NEXMIF: variants seen among roughly 807,000 people sequenced by gnomAD.
NEXMIF encodes neurite extension and migration factor, also known as XLMR protein related to neurite extension.
Under a neutral mutation model 62.1 loss-of-function variants are expected in NEXMIF, and 8 were observed. The ratio of observed to expected loss-of-function variants is 0.13; its 90% CI spans 0.08 to 0.23. The LOEUF is 0.23. NEXMIF is among the 10% of genes least tolerant of loss of function. The pLI, the probability that NEXMIF is intolerant of heterozygous loss-of-function variation, is 1.00. For synonymous variants in NEXMIF, 404 were observed against 416.6 expected (o/e 0.97, Z 0.37); for missense variants, 976 against 1,113.3 (o/e 0.88, Z 1.75).
intron 1 of NEXMIF, among the ~76,000 whole-genome samples, chrX:74,858,615 CG>C (rs2080544151): frequency 9.0e-6 from 1 of 110,978 alleles, no homozygotes; most frequent in Non-Finnish European, 1.9e-5. Flanking sequence ...TTAGTAGACA[CG>C]GATGAATGTC....
At chrX:74,909,170 G>A (rs146563735) in intron 1 of NEXMIF, among the ~76,000 whole-genome samples, 7 of 111,727 alleles carry the variant, frequency 6.3e-5, no homozygotes, top group Admixed American at 1.9e-4. Context: ...TCAGGCAGAG[G>A]TTGGCACAGT....
At chrX:74,920,239 G>C (rs143327264) in intron 1 of NEXMIF, among the ~76,000 whole-genome samples, 15,339 of 108,731 alleles carry the variant, frequency 0.14, 1,906 homozygotes, top group East Asian at 0.89. Context: ...TACAGTCCCA[G>C]CAACAGTGTA....
chrX:74,768,940 G>A (rs769367162), intron 1 of NEXMIF, among the ~76,000 whole-genome samples: 2 of 111,730 alleles, frequency 1.8e-5, no homozygotes, highest in Non-Finnish European at 3.8e-5. Context: ...CCTTTAATAT[G>A]GGCCCATAGC....
At chrX:74,748,777 C>A (rs1382907238) in intron 1 of NEXMIF, among the ~76,000 whole-genome samples, 2 of 111,670 alleles carry the variant, frequency 1.8e-5, no homozygotes, top group African/African-American at 6.5e-5. Context: ...CCCCAGCGGC[C>A]TTGAAGTCTA....
chrX:74,740,019 G>GA (rs2080096506), intron 3 of NEXMIF, 81 bp downstream of exon 3: 1 of 949,906 alleles, frequency 1.1e-6, no homozygotes, highest in Non-Finnish European at 1.4e-6. Flanking sequence ...TTTCAAGAGG[G>GA]AAAAAATGAG....
chrX:74,755,558 C>G (rs772196726), intron 1 of NEXMIF, among the ~76,000 whole-genome samples: 3 of 111,377 alleles, frequency 2.7e-5, no homozygotes, highest in African/African-American at 9.8e-5. Context: ...CAGGCTTGGG[C>G]CCTACAGGAA....
At chrX:74,800,887 A>G (rs895513716) in intron 1 of NEXMIF, among the ~76,000 whole-genome samples, 1 of 110,796 alleles carries the variant, frequency 9.0e-6, no homozygotes, top group Non-Finnish European at 1.9e-5. Flanking sequence ...GGTTTTGAGG[A>G]ATGTATAATG....
chrX:74,899,761 C>G (rs1196522155), intron 1 of NEXMIF, among the ~76,000 whole-genome samples: 2 of 111,093 alleles, frequency 1.8e-5, no homozygotes, highest in African/African-American at 6.6e-5. Flanking sequence ...CACAAAAGAC[C>G]CTGAATAGCC....
intron 1 of NEXMIF, among the ~76,000 whole-genome samples, chrX:74,767,601 C>G (rs1034277837): frequency 3.6e-5 from 4 of 111,861 alleles, no homozygotes; most frequent in African/African-American, 1.3e-4. Context: ...GGCTACCCAT[C>G]CCTCCCCTGG....
At chrX:74,797,084 C>G (rs2080314534) in intron 1 of NEXMIF, among the ~76,000 whole-genome samples, 1 of 111,357 alleles carries the variant, frequency 9.0e-6, no homozygotes, top group Non-Finnish European at 1.9e-5. Flanking sequence ...AATCTATAAC[C>G]CCAGTGCAAT....
intron 1 of NEXMIF, among the ~76,000 whole-genome samples, chrX:74,778,744 G>A (rs1602224626): frequency 9.0e-6 from 1 of 111,245 alleles, no homozygotes; most frequent in Non-Finnish European, 1.9e-5. Flanking sequence ...TCTGCCTCCC[G>A]GGTTCAAGTG....
intron 1 of NEXMIF, among the ~76,000 whole-genome samples, chrX:74,786,732 T>G (rs776159515): frequency 1.8e-5 from 2 of 111,328 alleles, no homozygotes; most frequent in Admixed American, 9.5e-5. Flanking sequence ...AAGGCACATA[T>G]TGACTAAATG....
At chrX:74,815,029 CTTGT>C (rs1433485648) in intron 1 of NEXMIF, among the ~76,000 whole-genome samples, 2 of 112,064 alleles carry the variant, frequency 1.8e-5, no homozygotes, top group African/African-American at 6.5e-5. Flanking sequence ...AGAATGTATA[CTTGT>C]TTGATTTACC....
intron 1 of NEXMIF, among the ~76,000 whole-genome samples, chrX:74,905,986 A>C (rs1364386054): frequency 9.0e-6 from 1 of 111,457 alleles, no homozygotes; most frequent in African/African-American, 3.3e-5. Flanking sequence ...TAGGAAAAAA[A>C]AGGCTGGGCA....
At chrX:74,863,240 A>C (rs947480968) in intron 1 of NEXMIF, among the ~76,000 whole-genome samples, 4 of 110,887 alleles carry the variant, frequency 3.6e-5, no homozygotes, top group African/African-American at 9.8e-5. Flanking sequence ...ACCAAGAGCA[A>C]ACAAACTTCA....
intron 1 of NEXMIF, among the ~76,000 whole-genome samples, chrX:74,875,961 A>T (rs1392865720): frequency 1.8e-5 from 2 of 110,847 alleles, no homozygotes; most frequent in African/African-American, 6.6e-5. Flanking sequence ...AGATTCATTA[A>T]TTTTTTGAAG....
At chrX:74,796,230 A>C (rs1298822900) in intron 1 of NEXMIF, among the ~76,000 whole-genome samples, 1 of 39,796 alleles carries the variant, frequency 2.5e-5, no homozygotes, top group African/African-American at 1.0e-4. Flanking sequence ...TACATATATA[A>C]TATATATATA....
At chrX:74,826,108 T>A (rs1435553919) in intron 1 of NEXMIF, among the ~76,000 whole-genome samples, 1 of 112,648 alleles carries the variant, frequency 8.9e-6, no homozygotes, top group South Asian at 3.7e-4. Context: ...TTTTTTACAA[T>A]GATTGAATTA....
intron 1 of NEXMIF, among the ~76,000 whole-genome samples, chrX:74,907,729 G>T (rs188989338): frequency 9.0e-6 from 1 of 111,620 alleles, no homozygotes; most frequent in Non-Finnish European, 1.9e-5. Context: ...GCTATAGGAT[G>T]ATCAGGTATT....
Sources: allele counts gnomAD v4.1 joint callset (sites outside exome capture counted in the v4.1 genomes callset), GRCh38; gene constraint gnomAD v4.1.1; transcripts MANE v1.5; gene names NCBI Gene and HGNC (gene_info 2026-07-23, HGNC 2026-07-21).